Variants in MTUS2 observed in about 807,000 individuals in gnomAD.
MTUS2 encodes the protein microtubule associated scaffold protein 2, also known as microtubule-associated tumor suppressor candidate 2.
Under a neutral mutation model 114.1 loss-of-function variants are expected in MTUS2, and 40 were observed. The observed-to-expected ratio is 0.35, with a 90% confidence interval of 0.27 to 0.46. The LOEUF (loss-of-function observed/expected upper bound fraction) is 0.46. MTUS2 is among the 20% of genes least tolerant of loss of function. MTUS2 has a pLI of 1.00. For synonymous variants in MTUS2, 688 were observed against 672.0 expected (o/e 1.02, Z -0.37); for missense variants, 1,679 against 1,705.4 (o/e 0.98, Z 0.27).
chr13:29,030,738 A>T (rs1290364307), intron 3 of MTUS2, among the ~76,000 whole-genome samples: 1 of 151,996 alleles, frequency 6.6e-6, no homozygotes. Flanking sequence ...ATTTTTTTTT[A>T]AATAAAATGA....
chr13:29,372,156 A>G (rs1296303944), intron 8 of MTUS2, among the ~76,000 whole-genome samples: 1 of 151,376 alleles, frequency 6.6e-6, no homozygotes, highest in African/African-American at 2.4e-5. Flanking sequence ...TGGCTGGGGA[A>G]AGACTTCACG....
intron 5 of MTUS2, among the ~76,000 whole-genome samples, chr13:29,140,755 G>T (rs561950216): frequency 6.6e-6 from 1 of 152,160 alleles, no homozygotes; most frequent in East Asian, 1.9e-4. Context: ...GTCATTAGCC[G>T]TATTTTCAGG....
intron 5 of MTUS2, among the ~76,000 whole-genome samples, chr13:29,154,847 T>C (rs1892794101): frequency 6.6e-6 from 1 of 152,234 alleles, no homozygotes; most frequent in African/African-American, 2.4e-5. Context: ...GTTTTGCTTA[T>C]ATTTTGAGTC....
chr13:28,830,886 CAAA>C (rs540034453), intron 1 of MTUS2, among the ~76,000 whole-genome samples: 3 of 151,796 alleles, frequency 2.0e-5, no homozygotes, highest in African/African-American at 7.3e-5. Flanking sequence ...TGCTGAAAGA[CAAA>C]AAAACTGTCA....
At chr13:29,142,727 A>AG (rs1287825063) in intron 5 of MTUS2, among the ~76,000 whole-genome samples, 1 of 152,172 alleles carries the variant, frequency 6.6e-6, no homozygotes, top group African/African-American at 2.4e-5. Flanking sequence ...AAACAAAAAA[A>AG]GAAGTTCAGG....
intron 5 of MTUS2, among the ~76,000 whole-genome samples, chr13:29,142,026 A>AT (rs1426841814): frequency 1.3e-5 from 2 of 151,614 alleles, no homozygotes; most frequent in African/African-American, 2.4e-5. Context: ...CACCCAGCTA[A>AT]TTTTTTTGTA....
intron 8 of MTUS2, chr13:29,429,001 G>T (rs957640609): frequency 1.8e-6 from 2 of 1,135,472 alleles, no homozygotes; most frequent in Non-Finnish European, 2.7e-6. Context: ...ATGCGTGTGC[G>T]CTTTGTTGGT....
intron 10 of MTUS2, among the ~76,000 whole-genome samples, chr13:29,487,131 G>C (rs1482719171): frequency 1.3e-5 from 2 of 152,190 alleles, no homozygotes; most frequent in African/African-American, 4.8e-5. Context: ...CACATTGCCT[G>C]AGCAGAAGGT....
At chr13:29,470,345 G>A (rs545981722) in intron 9 of MTUS2, among the ~76,000 whole-genome samples, 5 of 152,150 alleles carry the variant, frequency 3.3e-5, no homozygotes, top group South Asian at 4.2e-4. Flanking sequence ...ATCCAGAAAC[G>A]CCCTTCCTGA....
chr13:29,056,109 GT>G lies in MTUS2; in HGVS notation c.2446+21989del, dbSNP rs1888123674. On this transcript the variant is annotated intron_variant, in intron 4 of 15. Transcript: ENST00000612955. Reference sequence around the variant, plus strand: ...TGTTTTTGTTGCAATTGCTTTTGGTGTTTTTGAAATGAAATCTTTGCCAGGT... The same window carrying G: ...TGTTTTTGTTGCAATTGCTTTTGGTGTTTTGAAATGAAATCTTTGCCAGGT... Among the ~76,000 whole-genome samples the G allele has an allele frequency of 4.6e-5, 7 of 152,146 alleles. No individual in the cohort carries two copies. In the South Asian group the frequency reaches 1.4e-3, roughly 32 times the overall value.
At chr13:29,285,207 A>AAC (rs1555261424) in intron 6 of MTUS2, among the ~76,000 whole-genome samples, 34 of 149,298 alleles carry the variant, frequency 2.3e-4, no homozygotes, top group East Asian at 6.0e-4. Context: ...AAAAAAAAAA[A>AAC]AACCTCCAAA....
intron 8 of MTUS2, among the ~76,000 whole-genome samples, chr13:29,362,167 A>G (rs1336942138): frequency 1.3e-5 from 2 of 152,208 alleles, no homozygotes; most frequent in African/African-American, 4.8e-5. Flanking sequence ...AAGATGCTTT[A>G]TAGAGATGGG....
rs55873520 is a variant in MTUS2 at position 29,412,519 on chromosome 13, G to A, written c.3118-27464G>A. On this transcript the variant is annotated intron_variant, in intron 8 of 15. Transcript: ENST00000612955. ...TATTCATGAGTGACATTGGTCTCCA[G>A]TTTTCCTTTTTTCTACTCTTTTTGT... 7.6e-3 allele frequency among the ~76,000 whole-genome samples: 1,152 copies of A among 152,142 alleles called. 15 individuals carry two copies. Among genetic ancestry groups the A allele is most frequent in the Non-Finnish European group, 0.011 (739 of 67,980 alleles).
chr13:29,200,182 C>T (rs1894883059), intron 5 of MTUS2, among the ~76,000 whole-genome samples: 1 of 151,274 alleles, frequency 6.6e-6, no homozygotes, highest in South Asian at 2.1e-4. Flanking sequence ...TTTCGTGTCT[C>T]TGTCTCCTTC....
intron 8 of MTUS2, among the ~76,000 whole-genome samples, chr13:29,361,888 A>G (rs1870287681): frequency 6.6e-6 from 1 of 152,176 alleles, no homozygotes; most frequent in South Asian, 2.1e-4. Context: ...ACTGTAGCAT[A>G]TTTATCTGCA....
At chr13:29,354,474 G>A (rs1308974612) in intron 7 of MTUS2, among the ~76,000 whole-genome samples, 1 of 152,050 alleles carries the variant, frequency 6.6e-6, no homozygotes, top group Non-Finnish European at 1.5e-5. Flanking sequence ...AATACTGTAT[G>A]CCACGTTTTA....
At chr13:29,212,878 A>G (rs1186313182) in intron 5 of MTUS2, among the ~76,000 whole-genome samples, 3 of 151,712 alleles carry the variant, frequency 2.0e-5, no homozygotes, top group African/African-American at 7.3e-5. Flanking sequence ...ATGACTGACT[A>G]TTAACTCAAT....
chr13:28,931,036 C>G (rs1455081862), intron 2 of MTUS2, among the ~76,000 whole-genome samples: 1 of 152,152 alleles, frequency 6.6e-6, no homozygotes, highest in Non-Finnish European at 1.5e-5. Context: ...TGACTTTGGA[C>G]AGGTTCCTTG....
intron 8 of MTUS2, among the ~76,000 whole-genome samples, chr13:29,377,183 G>A (rs1247929367): frequency 6.6e-6 from 1 of 152,166 alleles, no homozygotes; most frequent in Non-Finnish European, 1.5e-5. Context: ...CCCTGGCTCA[G>A]TAGTAAACAG....
Sources: gnomAD v4.1 joint callset for allele counts (sites outside exome capture counted in the v4.1 genomes callset) on GRCh38, gnomAD v4.1.1 for gene constraint, MANE v1.5 for transcripts, NCBI Gene and HGNC (gene_info 2026-07-23, HGNC 2026-07-21) for gene names.